The following TMEM117 variants were observed in gnomAD, a reference collection of about 807,000 sequenced individuals.
The protein encoded by TMEM117 is transmembrane protein 117.
In TMEM117, 27 loss-of-function variants were observed where a neutral mutation model predicts 52.4. The observed-to-expected ratio is 0.51, with a 90% CI of 0.38 to 0.71. The LOEUF (loss-of-function observed/expected upper bound fraction) is 0.71, where lower values mean the gene tolerates loss of function less well. TMEM117 is among the 30% of genes least tolerant of loss of function. The pLI is 0.00. For missense variants in TMEM117, 556 were observed against 630.5 expected (o/e 0.88, Z 1.26); for synonymous variants, 215 against 206.3 (o/e 1.04, Z -0.36).
At chr12:43,979,774 A>G (rs1430201207) in intron 3 of TMEM117, among the ~76,000 whole-genome samples, 1 of 152,134 alleles carries the variant, frequency 6.6e-6, no homozygotes, top group Non-Finnish European at 1.5e-5. Context: ...GCTGGCTTTA[A>G]ATTGCTCCTC....
At chr12:43,808,426 C>T in the TMEM117 span, among the ~76,000 whole-genome samples, 12 of 152,164 alleles carry the variant, frequency 7.9e-5, no homozygotes, top group Non-Finnish European at 8.8e-5. Flanking sequence ...CCAATATACA[C>T]TGCCCATGAG....
At chr12:43,945,611 C>T (rs1195024084) in intron 3 of TMEM117, among the ~76,000 whole-genome samples, 1 of 152,230 alleles carries the variant, frequency 6.6e-6, no homozygotes, top group Non-Finnish European at 1.5e-5. Context: ...GCTTGAGCCA[C>T]TGCATCTGGC....
chr12:43,899,410 G>A (rs1486926660), intron 2 of TMEM117, among the ~76,000 whole-genome samples: 2 of 151,982 alleles, frequency 1.3e-5, no homozygotes, highest in African/African-American at 4.8e-5. Context: ...TGTGGTTGGG[G>A]GTTTTATTGT....
chr12:44,353,213 T>A (rs1028705239), intron 6 of TMEM117, among the ~76,000 whole-genome samples: 2 of 151,964 alleles, frequency 1.3e-5, no homozygotes, highest in African/African-American at 4.8e-5. Context: ...GTCAGATGAG[T>A]AGGTTGTGAA....
At chr12:43,830,069 C>T in the TMEM117 span, among the ~76,000 whole-genome samples, 2 of 132,954 alleles carry the variant, frequency 1.5e-5, no homozygotes, top group East Asian at 4.3e-4. Context: ...GCCTGGGTGA[C>T]AGAGCGAGAC....
At chr12:44,227,280 C>T (rs1317019179) in intron 5 of TMEM117, among the ~76,000 whole-genome samples, 1 of 152,084 alleles carries the variant, frequency 6.6e-6, no homozygotes, top group Middle Eastern at 3.2e-3. Flanking sequence ...TGAGACCAGC[C>T]TGGACAACAT....
In TMEM117 at chr12:44,026,633, G is replaced by A. The variant is rs1390406900; in HGVS notation, c.410+82291G>A. ...CTTTCTGTTATACTTATGAGAGTAG[G>A]ACTGGAACACTTTTATTTTCCCAGA... On this transcript the variant is annotated intron_variant, in intron 3 of 7. Coordinates refer to ENST00000266534, the MANE Select transcript of TMEM117 (RefSeq NM_032256.3). Among the ~76,000 whole-genome samples the A allele has an allele frequency of 3.9e-5, 6 of 152,002 alleles. No homozygotes were observed. The South Asian group carries it at 1.2e-3, about 32-fold the overall frequency.
intron 6 of TMEM117, among the ~76,000 whole-genome samples, chr12:44,358,523 A>G (rs536080161): frequency 6.6e-6 from 1 of 152,212 alleles, no homozygotes; most frequent in Non-Finnish European, 1.5e-5. Context: ...ATTAATACAC[A>G]ATCCCTCATG....
chr12:43,826,641 G>T, the TMEM117 span, among the ~76,000 whole-genome samples: 1 of 152,222 alleles, frequency 6.6e-6, no homozygotes, highest in Non-Finnish European at 1.5e-5. Flanking sequence ...GCAGGGGTAA[G>T]AAGGAAATTC....
intron 3 of TMEM117, among the ~76,000 whole-genome samples, chr12:44,137,116 A>G (rs944029074): frequency 3.3e-5 from 5 of 151,626 alleles, no homozygotes; most frequent in Admixed American, 2.6e-4. Context: ...AAAAAAAGAT[A>G]CATGTTTATT....
chr12:44,148,404 C>T (rs2138213818), intron 4 of TMEM117, among the ~76,000 whole-genome samples: 1 of 152,122 alleles, frequency 6.6e-6, no homozygotes, highest in Non-Finnish European at 1.5e-5. Context: ...AATTATTTCT[C>T]TGTATTGAGG....
intron 4 of TMEM117, among the ~76,000 whole-genome samples, chr12:44,151,853 T>TAA (rs1948730454): frequency 7.3e-6 from 1 of 136,640 alleles, no homozygotes; most frequent in South Asian, 2.1e-4. Context: ...ATATAATATA[T>TAA]AATATTATAT....
At chr12:44,178,380 A>T (rs1949144549) in intron 4 of TMEM117, among the ~76,000 whole-genome samples, 1 of 152,122 alleles carries the variant, frequency 6.6e-6, no homozygotes, top group Non-Finnish European at 1.5e-5. Context: ...AATTTGTAAG[A>T]CCCCAGTCGT....
At chr12:43,936,179 A>G (rs1944949668) in intron 2 of TMEM117, among the ~76,000 whole-genome samples, 1 of 151,836 alleles carries the variant, frequency 6.6e-6, no homozygotes, top group Non-Finnish European at 1.5e-5. Flanking sequence ...AGGTTGAAGT[A>G]AGACAGGCCA....
chr12:43,910,039 C>G (rs1201461631), intron 2 of TMEM117, among the ~76,000 whole-genome samples: 2 of 123,898 alleles, frequency 1.6e-5, no homozygotes, highest in Non-Finnish European at 3.5e-5. Flanking sequence ...GAGACACAAC[C>G]AAAAAAGAGA....
At chr12:43,806,324 C>T in the TMEM117 span, 8 of 1,316,934 alleles carry the variant, frequency 6.1e-6, no homozygotes, top group East Asian at 1.9e-4. Flanking sequence ...AGTGGCTGCT[C>T]CTCCGCCGGC....
chr12:43,905,143 CAAA>C (rs11327213), intron 2 of TMEM117, among the ~76,000 whole-genome samples: 1 of 143,366 alleles, frequency 7.0e-6, no homozygotes, highest in Non-Finnish European at 1.5e-5. Context: ...AACTCGGTCT[CAAA>C]AAAAAAAAAA....
chr12:44,320,096 G>A (rs74084494), intron 6 of TMEM117, among the ~76,000 whole-genome samples: 9,895 of 152,184 alleles, frequency 0.065, 743 homozygotes, highest in African/African-American at 0.18. Flanking sequence ...GGATGTTTAC[G>A]TGGGCATCTC....
Position 43,838,542 on chromosome 12 carries a change from T to G in TMEM117, c.-29+2346T>G, listed in dbSNP as rs533610020. Among the ~76,000 whole-genome samples, 5 of 150,210 alleles carry G rather than the reference T, an allele frequency of 3.3e-5. No homozygotes were observed. In the South Asian group the frequency reaches 6.5e-4, roughly 19 times the overall value. Reference sequence around the variant, plus strand: ...CTCTGGAATGGAGTCTTCCAGTTTTTTTTTTTTTTTTTTCCCTCACCCAGG... The same window carrying G: ...CTCTGGAATGGAGTCTTCCAGTTTTGTTTTTTTTTTTTTCCCTCACCCAGG... On this transcript the variant is annotated intron_variant, in intron 1 of 7. Coordinates refer to ENST00000266534, the MANE Select transcript of TMEM117 (RefSeq NM_032256.3).
Sources: gnomAD v4.1 joint callset for allele counts (sites outside exome capture counted in the v4.1 genomes callset) on GRCh38, gnomAD v4.1.1 for gene constraint, MANE v1.5 for transcripts, NCBI Gene and HGNC (gene_info 2026-07-23, HGNC 2026-07-21) for gene names.